The following POLI variants were observed in gnomAD, a reference collection of about 807,000 sequenced individuals.
The protein encoded by POLI is DNA polymerase iota, also known as RAD30 homolog B.
POLI carries 58 observed loss-of-function variants against 51.6 expected under a neutral mutation model. The ratio of observed to expected loss-of-function variants is 1.12; its 90% CI spans 0.91 to 1.40. POLI has a LOEUF of 1.40. Among genes scored for constraint, POLI ranks in the 40% most tolerant of loss-of-function variants. The pLI is 0.00. For synonymous variants in POLI, 322 were observed against 299.7 expected (o/e 1.07, Z -0.77); for missense variants, 921 against 871.3 (o/e 1.06, Z -0.72).
chr18:54,301,151 C>T (rs1177817002), downstream of POLI, among the ~76,000 whole-genome samples: 2 of 152,030 alleles, frequency 1.3e-5, no homozygotes, highest in African/African-American at 4.8e-5. Context: ...TGGTGGCGGG[C>T]ACCTGTAATC....
Position 54,303,444 on chromosome 18 carries a change from A to G in POLI, c.333+16033A>G, listed in dbSNP as rs544523166. Among the ~76,000 whole-genome samples the G allele has an allele frequency of 2.0e-5, 3 of 152,308 alleles. No individual in the cohort carries two copies. The East Asian group carries it at 5.8e-4, about 29-fold the overall frequency. On this transcript the variant is annotated intron_variant, in intron 3 of 4. Coordinates refer to the POLI transcript ENST00000579823. ...ATTTTTATTCTATATGAGGTAATAC[A>G]AATATTTGAATTATTTGGTGGGGGA...
rs752756484 is a variant in POLI, at chr18:54,282,831, A to C, written c.797-6A>C. On this transcript the variant is annotated splice_region_variant and splice_polypyrimidine_tract_variant and intron_variant, in intron 5 of 9. Coordinates refer to ENST00000579534, the MANE Select transcript of POLI (RefSeq NM_007195.3). ...TTTAACATTGTATGCATTTCTTTTT[A>C]TTTAGGTATTGGCTATAAAACTGCC... is the stretch of plus-strand genomic sequence containing the variant. The C allele has an allele frequency of 2.0e-5, 30 of 1,484,194 alleles. No individual in the cohort carries two copies. Among genetic ancestry groups the C allele is most frequent in the Non-Finnish European group, 2.7e-5 (30 of 1,093,698 alleles). 91.9% of individuals were successfully genotyped at this position (1,484,194 alleles called of 1,614,324 possible).
At chr18:54,309,164 C>T (rs1486108237) in intron 3 of POLI, among the ~76,000 whole-genome samples, 1 of 152,190 alleles carries the variant, frequency 6.6e-6, no homozygotes, top group Non-Finnish European at 1.5e-5. Flanking sequence ...AGAAAGGGTG[C>T]TCTGGATTTT....
chr18:54,277,321 T>G (rs2087287575), intron 3 of POLI, among the ~76,000 whole-genome samples: 1 of 152,228 alleles, frequency 6.6e-6, no homozygotes, highest in South Asian at 2.1e-4. Flanking sequence ...AATATACTAT[T>G]ACTTGTTTTT....
chr18:54,282,174 A>G lies in POLI; in HGVS notation c.797-663A>G, dbSNP rs183866746. Reference sequence around the variant, plus strand: ...ACACTTAATTTATTTTAATTGCTCTAGTGGCAGCCTTTTTGTATATTAATA... The same window carrying G: ...ACACTTAATTTATTTTAATTGCTCTGGTGGCAGCCTTTTTGTATATTAATA... On this transcript the variant is annotated intron_variant, in intron 5 of 9. Coordinates refer to ENST00000579534, the MANE Select transcript of POLI (RefSeq NM_007195.3). Among the ~76,000 whole-genome samples, 243 of 152,250 alleles carry G rather than the reference A, an allele frequency of 1.6e-3. 1 individual carries two copies. The highest frequency in any genetic ancestry group is 2.8e-3 in the Non-Finnish European group (193 of 67,990).
chr18:54,302,067 C>G (rs1199654645), downstream of POLI, among the ~76,000 whole-genome samples: 1 of 152,130 alleles, frequency 6.6e-6, no homozygotes, highest in Non-Finnish European at 1.5e-5. Context: ...TAGGACTTGT[C>G]AGCTTTGAGT....
In POLI at chr18:54,296,828, G is replaced by A. The variant is rs1007443326; in HGVS notation, c.*2361G>A. Reference sequence around the variant, plus strand: ...TTTAACTTCCCGTTTACTCATTACAGTCCCTTGTAAGTCTGTTTCTAATTT... The same window carrying A: ...TTTAACTTCCCGTTTACTCATTACAATCCCTTGTAAGTCTGTTTCTAATTT... On this transcript the variant is annotated 3_prime_UTR_variant, in exon 10 of 10. Transcript: ENST00000579534. The A allele has an allele frequency of 1.7e-6, 1 of 602,346 alleles. No individual in the cohort carries two copies. The highest frequency in any genetic ancestry group is 2.1e-6 in the Non-Finnish European group (1 of 482,852). The allele number at this position is 602,346 out of a possible 1,614,324, so 37.3% of individuals were successfully genotyped here. A position where few individuals can be genotyped will look rare whatever the true frequency, so the allele number is the denominator to read the frequency against.
rs1200303377 is a variant in POLI at position 54,296,962 on chromosome 18, G to A, written c.*2495G>A. 1.0e-6 allele frequency: 1 copy of A among 983,092 alleles called. No individual in the cohort carries two copies. The highest frequency in any genetic ancestry group is 1.2e-6 in the Non-Finnish European group (1 of 827,992). The allele number at this position is 983,092 out of a possible 1,614,324, so 60.9% of individuals were successfully genotyped here. ...CATTGTGACTTATTTCCTTGAGTATGTGTTAATCTGCGAGAAGACAGAGGG... is the reference window on the plus strand; with the variant it reads ...CATTGTGACTTATTTCCTTGAGTATATGTTAATCTGCGAGAAGACAGAGGG... On this transcript the variant is annotated 3_prime_UTR_variant, in exon 10 of 10. Transcript: ENST00000579534.
Position 54,294,379 on chromosome 18 carries a change from T to A in POLI, c.2135T>A (p.Val712Asp). ...ITFPSDIDPQ[V>D]FYELPEAVQK... The stretch of plus-strand genomic sequence containing the variant: ...TTCCCTTCTGACATTGATCCTCAAG[T>A]TTTCTATGAACTACCAGAAGCAGTA... The change falls in exon 10 of 10, where the codon GTT becomes GAT. Residue 712 changes from valine to aspartate, a missense_variant. Transcript: ENST00000579534. 1 of 1,613,558 alleles carries A rather than the reference T, an allele frequency of 6.2e-7. No individual in the cohort carries two copies. The highest frequency in any genetic ancestry group is 8.5e-7 in the Non-Finnish European group (1 of 1,179,654).
At chr18:54,277,126 C>G (rs2087278841) in intron 3 of POLI, among the ~76,000 whole-genome samples, 1 of 152,066 alleles carries the variant, frequency 6.6e-6, no homozygotes, top group Admixed American at 6.6e-5. Context: ...ATTTGAATAC[C>G]TGTAAGTTGT....
chr18:54,310,558 A>G (rs562022863), intron 3 of POLI, among the ~76,000 whole-genome samples: 1 of 151,894 alleles, frequency 6.6e-6, no homozygotes, highest in African/African-American at 2.4e-5. Context: ...CATGTTAACA[A>G]TTTTAGTTCA....
intron 3 of POLI, among the ~76,000 whole-genome samples, chr18:54,310,782 G>A (rs1380543579): frequency 1.3e-5 from 2 of 152,106 alleles, no homozygotes; most frequent in Non-Finnish European, 2.9e-5. Context: ...TGGAACTGGT[G>A]TACATATTTT....
At position 54,294,771 on chromosome 18, in the gene POLI, T is replaced by G. The variant is rs1363065751; in HGVS notation, c.*304T>G. 1.0e-6 allele frequency: 1 copy of G among 991,076 alleles called. No homozygotes were observed. Among genetic ancestry groups the G allele is most frequent in the East Asian group, 9.3e-5 (1 of 10,774 alleles). The allele number at this position is 991,076 out of a possible 1,614,324, so 61.4% of individuals were successfully genotyped here. A position where few individuals can be genotyped will look rare whatever the true frequency, so the allele number is the denominator to read the frequency against. Reference sequence around the variant, plus strand: ...TGGTGGGGAGATGTATATGTTTATATATAAAAAATAGCCAAATCGTTGCAA... The same window carrying G: ...TGGTGGGGAGATGTATATGTTTATAGATAAAAAATAGCCAAATCGTTGCAA... On this transcript the variant is annotated 3_prime_UTR_variant, in exon 10 of 10. Transcript: ENST00000579534.
intron 6 of POLI, among the ~76,000 whole-genome samples, chr18:54,283,273 A>G (rs777349593): frequency 3.3e-5 from 5 of 152,170 alleles, no homozygotes; most frequent in Admixed American, 6.5e-5. Context: ...CCTATAATGC[A>G]TATATGAGGC....
intron 3 of POLI, among the ~76,000 whole-genome samples, chr18:54,314,249 G>A (rs1385669095): frequency 6.6e-6 from 1 of 151,890 alleles, no homozygotes; most frequent in Admixed American, 6.6e-5. Flanking sequence ...TGCAAAGTTG[G>A]TTCAACATAA....
At chr18:54,290,432 G>C (rs1471529569) in intron 8 of POLI, among the ~76,000 whole-genome samples, 1 of 152,148 alleles carries the variant, frequency 6.6e-6, no homozygotes, top group Non-Finnish European at 1.5e-5. Context: ...GATTCCTCAA[G>C]GATCTAGAAC....
intron 3 of POLI, among the ~76,000 whole-genome samples, chr18:54,307,520 G>A (rs1348785621): frequency 1.3e-5 from 2 of 152,126 alleles, no homozygotes; most frequent in African/African-American, 4.8e-5. Context: ...GGTCAGTTTT[G>A]GAATAAGTGC....
chr18:54,294,631 G>C lies in POLI; in HGVS notation c.*164G>C, dbSNP rs1049595085. The C allele has an allele frequency of 2.3e-6, 3 of 1,285,860 alleles. No homozygotes were observed. Among genetic ancestry groups the C allele is most frequent in the Non-Finnish European group, 2.9e-6 (3 of 1,019,190 alleles). 79.7% of individuals were successfully genotyped at this position (1,285,860 alleles called of 1,614,324 possible). On this transcript the variant is annotated 3_prime_UTR_variant, in exon 10 of 10. Coordinates refer to ENST00000579534, the MANE Select transcript of POLI (RefSeq NM_007195.3). Reference sequence around the variant, plus strand: ...CAAGAAGTAAATTCTGGCACAAAGCGTAAAAATATAACAGAAGAAATAATG... The same window carrying C: ...CAAGAAGTAAATTCTGGCACAAAGCCTAAAAATATAACAGAAGAAATAATG...
At chr18:54,314,332 G>T (rs569501216) in intron 3 of POLI, among the ~76,000 whole-genome samples, 1 of 152,100 alleles carries the variant, frequency 6.6e-6, no homozygotes, top group Non-Finnish European at 1.5e-5. Flanking sequence ...CTATTTGATT[G>T]TGGTTAATTA....
Sources: gnomAD v4.1 joint callset for allele counts (sites outside exome capture counted in the v4.1 genomes callset) on GRCh38, gnomAD v4.1.1 for gene constraint, MANE v1.5 for transcripts, NCBI Gene and HGNC (gene_info 2026-07-23, HGNC 2026-07-21) for gene names.